TMIGD3: variants seen among roughly 807,000 people sequenced by gnomAD.
TMIGD3 encodes AD026 protein (AD026).
In TMIGD3, 21 loss-of-function variants were observed where a neutral mutation model predicts 28.1. That is an observed-to-expected ratio of 0.75 (90% CI 0.53 to 1.08). The LOEUF is 1.08. TMIGD3 is among the 50% of genes least tolerant of loss of function. TMIGD3 has a pLI of 0.00. For synonymous variants in TMIGD3, 151 were observed against 162.1 expected (o/e 0.93, Z 0.52); for missense variants, 416 against 435.6 (o/e 0.96, Z 0.40).
chr1:111,499,819 C>T (rs1420945956), intron 1 of TMIGD3: 1 of 1,505,290 alleles, frequency 6.6e-7, no homozygotes, highest in Non-Finnish European at 8.8e-7. Flanking sequence ...TTGGGGAGCA[C>T]TGGAGATGCT....
chr1:111,518,554 G>T (rs1655942699), intron 1 of TMIGD3, among the ~76,000 whole-genome samples: 1 of 152,202 alleles, frequency 6.6e-6, no homozygotes, highest in Non-Finnish European at 1.5e-5. Flanking sequence ...TCCCAGTTGA[G>T]AAACAGTGAT....
At chr1:111,509,544 T>C (rs1423778446) in intron 1 of TMIGD3, among the ~76,000 whole-genome samples, 3 of 152,190 alleles carry the variant, frequency 2.0e-5, no homozygotes, top group Non-Finnish European at 2.9e-5. Context: ...GTTCTGGATA[T>C]ACCAACTACT....
At chr1:111,492,839 T>G (rs1254398547) in intron 1 of TMIGD3, among the ~76,000 whole-genome samples, 1 of 149,700 alleles carries the variant, frequency 6.7e-6, no homozygotes, top group African/African-American at 2.5e-5. Flanking sequence ...AAAAAGTATC[T>G]CTAAAGTAAA....
intron 1 of TMIGD3, among the ~76,000 whole-genome samples, chr1:111,554,041 G>T (rs999091365): frequency 3.3e-5 from 5 of 152,236 alleles, no homozygotes; most frequent in African/African-American, 1.2e-4. Flanking sequence ...GAATGGTTAC[G>T]TGCATATGCA....
chr1:111,534,482 C>T (rs752474766), intron 1 of TMIGD3, among the ~76,000 whole-genome samples: 1 of 152,176 alleles, frequency 6.6e-6, no homozygotes, highest in South Asian at 2.1e-4. Flanking sequence ...TGAGAGTTGA[C>T]GATTGCATTG....
intron 1 of TMIGD3, chr1:111,499,854 G>T (rs1040654037): frequency 1.9e-6 from 3 of 1,541,890 alleles, no homozygotes; most frequent in African/African-American, 1.4e-5. Context: ...AGTAATCAAG[G>T]ATGTAAAAAT....
intron 1 of TMIGD3, among the ~76,000 whole-genome samples, chr1:111,528,970 G>A (rs1577932): frequency 0.28 from 41,975 of 151,522 alleles, 6,510 homozygotes; most frequent in Admixed American, 0.44. Flanking sequence ...AGACAGTTTC[G>A]TTTCTTTCTT....
intron 1 of TMIGD3, among the ~76,000 whole-genome samples, chr1:111,546,319 A>G (rs1657032497): frequency 6.6e-6 from 1 of 152,142 alleles, no homozygotes; most frequent in African/African-American, 2.4e-5. Context: ...CAGTGGCATT[A>G]AGTACATTTA....
chr1:111,536,694 C>T (rs937012605), intron 1 of TMIGD3, among the ~76,000 whole-genome samples: 4 of 152,088 alleles, frequency 2.6e-5, no homozygotes, highest in African/African-American at 7.2e-5. Context: ...TTCATGTTCA[C>T]CCCTTTTTTT....
chr1:111,534,952 A>C (rs1388929116), intron 1 of TMIGD3, among the ~76,000 whole-genome samples: 3 of 152,210 alleles, frequency 2.0e-5, no homozygotes, highest in African/African-American at 7.2e-5. Flanking sequence ...GCTATCAGGA[A>C]ACAAAGAGAC....
At chr1:111,498,893 C>T (rs566144139) in intron 1 of TMIGD3, among the ~76,000 whole-genome samples, 23 of 152,100 alleles carry the variant, frequency 1.5e-4, no homozygotes, top group African/African-American at 5.1e-4. Context: ...TCAAGACCAG[C>T]CTGAGTAACA....
chr1:111,505,099 A>C, upstream of TMIGD3: 2 of 767,924 alleles, frequency 2.6e-6, no homozygotes, highest in Non-Finnish European at 3.2e-6. Context: ...TTACCAAGAG[A>C]AATTTCTAGG....
chr1:111,524,165 G>A (rs1260551233), intron 1 of TMIGD3, among the ~76,000 whole-genome samples: 1 of 150,564 alleles, frequency 6.6e-6, no homozygotes, highest in East Asian at 2.0e-4. Context: ...AAGTAGCTGG[G>A]ACTACAGGCG....
intron 1 of TMIGD3, among the ~76,000 whole-genome samples, chr1:111,559,071 T>C (rs2101044860): frequency 6.6e-6 from 1 of 152,244 alleles, no homozygotes; most frequent in East Asian, 1.9e-4. Flanking sequence ...TAAAAGATAA[T>C]TTTTAAAAAA....
In TMIGD3 at chr1:111,489,589, C is replaced by A. The variant is rs527971053; in HGVS notation, c.458-565G>T. On this transcript the variant is annotated intron_variant, in intron 2 of 5. Coordinates refer to ENST00000369716, the MANE Select transcript of TMIGD3 (RefSeq NM_020683.7). ...AAGCAACTCTGGAGAAGTCCTTTTC[C>A]CTGGCCTAAGGGTGGGTGAAATATG... 1.5e-4 allele frequency: 171 copies of A among 1,105,768 alleles called. No homozygotes were observed. In the African/African-American group the frequency reaches 2.8e-3, roughly 18 times the overall value. The allele number at this position is 1,105,768 out of a possible 1,614,324, so 68.5% of individuals were successfully genotyped here. A position where few individuals can be genotyped will look rare whatever the true frequency, so the allele number is the denominator to read the frequency against.
At chr1:111,547,999 G>C (rs1271280613) in intron 1 of TMIGD3, among the ~76,000 whole-genome samples, 2 of 152,130 alleles carry the variant, frequency 1.3e-5, no homozygotes, top group Admixed American at 6.6e-5. Context: ...GCTTTGACTG[G>C]ACCACTTTTT....
At chr1:111,560,517 G>T (rs1489838906) in intron 1 of TMIGD3, among the ~76,000 whole-genome samples, 1 of 138,198 alleles carries the variant, frequency 7.2e-6, no homozygotes, top group Non-Finnish European at 1.5e-5. Flanking sequence ...TTAGAGACAG[G>T]GTCTTCTGTC....
intron 1 of TMIGD3, among the ~76,000 whole-genome samples, chr1:111,520,454 A>C (rs10857894): frequency 6.6e-6 from 1 of 152,072 alleles, no homozygotes. Context: ...TCAGTCTCCC[A>C]TGCAGGAAAC....
At chr1:111,544,744 A>C (rs1467970746) in intron 1 of TMIGD3, among the ~76,000 whole-genome samples, 1 of 151,716 alleles carries the variant, frequency 6.6e-6, no homozygotes, top group Admixed American at 6.6e-5. Context: ...TTTGGTATAT[A>C]CCCAATTTCT....
Sources: gnomAD v4.1 joint callset for allele counts (sites outside exome capture counted in the v4.1 genomes callset) on GRCh38, gnomAD v4.1.1 for gene constraint, MANE v1.5 for transcripts, NCBI Gene and HGNC (gene_info 2026-07-23, HGNC 2026-07-21) for gene names.